Variants in MLLT1 observed in about 807,000 individuals in gnomAD.
MLLT1 encodes the protein protein ENL.
MLLT1 carries 11 observed loss-of-function variants against 55.1 expected under a neutral mutation model. That is an observed-to-expected ratio of 0.20 (90% CI 0.13 to 0.33). The LOEUF (loss-of-function observed/expected upper bound fraction) is 0.33, where lower values mean the gene tolerates loss of function less well. Among genes scored for constraint, MLLT1 ranks in the 10% least tolerant of loss-of-function variants. The probability of loss-of-function intolerance (pLI) is 1.00; values close to 1 mark genes in which losing one functional copy is unlikely to be tolerated. For missense variants in MLLT1, 536 were observed against 760.6 expected (o/e 0.70, Z 3.47); for synonymous variants, 323 against 320.1 (o/e 1.01, Z -0.10).
At chr19:6,242,116 C>T (rs1391560106) in intron 3 of MLLT1, among the ~76,000 whole-genome samples, 2 of 152,210 alleles carry the variant, frequency 1.3e-5, no homozygotes, top group Non-Finnish European at 2.9e-5. Context: ...TGCCTCCCAG[C>T]CTCCCTGCCT....
In MLLT1 at chr19:6,230,852, C is replaced by T; in HGVS notation, c.277-139G>A. On this transcript the variant is annotated intron_variant, in intron 3 of 11. Coordinates refer to ENST00000252674, the MANE Select transcript of MLLT1 (RefSeq NM_005934.4). The surrounding 1 kb of genome is among the most constrained non-coding windows in gnomAD (Gnocchi z 9.0). ...CTCCGATTTGCGCCCACTTCTCTCT[C>T]AGGGCACCTCCTGCCCTGCCCTTAT... 9.3e-7 allele frequency: 1 copy of T among 1,080,932 alleles called. No individual in the cohort carries two copies. Among genetic ancestry groups the T allele is most frequent in the Non-Finnish European group, 1.3e-6 (1 of 746,642 alleles). 67.0% of individuals were successfully genotyped at this position (1,080,932 alleles called of 1,614,324 possible).
intron 3 of MLLT1, among the ~76,000 whole-genome samples, chr19:6,242,049 T>C (rs1179221170): frequency 6.6e-6 from 1 of 152,222 alleles, no homozygotes; most frequent in Non-Finnish European, 1.5e-5. Flanking sequence ...GCTCCGCTTC[T>C]GCGCCAGCAG....
rs2090777501 is a variant in MLLT1, at chr19:6,211,984, C to G, written c.*1058G>C. On this transcript the variant is annotated 3_prime_UTR_variant, in exon 12 of 12. Coordinates refer to ENST00000252674, the MANE Select transcript of MLLT1 (RefSeq NM_005934.4). This position sits in a 1 kb window ranked among gnomAD's most constrained non-coding sequence, Gnocchi z 4.6. ...CACCGGGCCTGCTGATGGCCGAGCC[C>G]ACGCTCGAGGGGCTGACCAGAGTTC... 1 of 1,065,700 alleles carries G rather than the reference C, an allele frequency of 9.4e-7. No individual in the cohort carries two copies. Among genetic ancestry groups the G allele is most frequent in the Admixed American group, 5.3e-5 (1 of 18,764 alleles). The allele number at this position is 1,065,700 out of a possible 1,614,324, so 66.0% of individuals were successfully genotyped here. A position where few individuals can be genotyped will look rare whatever the true frequency, so the allele number is the denominator to read the frequency against.
At position 6,213,036 on chromosome 19, in the gene MLLT1, CCA is replaced by C; in HGVS notation, c.*4_*5del. ...CGGCGGTGGGGGCCCGGCACGCGGC[CCA>C]GGGTCATGTGGCCACGGCCTCCAGG... On this transcript the variant is annotated 3_prime_UTR_variant, in exon 12 of 12. Coordinates refer to ENST00000252674, the MANE Select transcript of MLLT1 (RefSeq NM_005934.4). 1 of 1,613,300 alleles carries C rather than the reference CCA, an allele frequency of 6.2e-7. No individual in the cohort carries two copies. Among genetic ancestry groups the C allele is most frequent in the Non-Finnish European group, 8.5e-7 (1 of 1,179,556 alleles).
At chr19:6,216,379 C>T (rs766241198) in intron 8 of MLLT1, 26 bp downstream of exon 8, 1 of 1,553,980 alleles carries the variant, frequency 6.4e-7, no homozygotes, top group South Asian at 1.2e-5. Context: ...GCCGCCTCCG[C>T]CCCCTGGCTC....
chr19:6,218,108 A>C, intron 6 of MLLT1, 67 bp from the exon 7 acceptor site: 2 of 1,530,002 alleles, frequency 1.3e-6, no homozygotes, highest in Non-Finnish European at 1.8e-6. Context: ...AGCAGAGACA[A>C]AGGGGGCCCC....
At chr19:6,215,736 C>T (rs961471642) in intron 8 of MLLT1, among the ~76,000 whole-genome samples, 11 of 152,184 alleles carry the variant, frequency 7.2e-5, no homozygotes, top group Admixed American at 6.5e-4. Flanking sequence ...GGGCTGACTG[C>T]CGGCTCTGCT....
rs2090795279 is a variant in MLLT1 at position 6,212,952 on chromosome 19, C to CGGGCAGGCGAGACGGGAGAGGA, written c.*68_*89dup. 13 of 1,506,376 alleles carry CGGGCAGGCGAGACGGGAGAGGA rather than the reference C, an allele frequency of 8.6e-6. No individual in the cohort carries two copies. Among genetic ancestry groups the CGGGCAGGCGAGACGGGAGAGGA allele is most frequent in the Non-Finnish European group, 1.2e-5 (13 of 1,107,876 alleles). 93.3% of individuals were successfully genotyped at this position (1,506,376 alleles called of 1,614,324 possible). A position where few individuals can be genotyped will look rare whatever the true frequency, so the allele number is the denominator to read the frequency against. On this transcript the variant is annotated 3_prime_UTR_variant, in exon 12 of 12. Coordinates refer to ENST00000252674, the MANE Select transcript of MLLT1 (RefSeq NM_005934.4). ...CAGGGCTGTCGCTAAGGCAGTGCTG[C>CGGGCAGGCGAGACGGGAGAGGA]GGGCAGGCGAGACGGGAGAGGAGGG...
chr19:6,236,609 T>C (rs2091063481), intron 3 of MLLT1, among the ~76,000 whole-genome samples: 2 of 152,094 alleles, frequency 1.3e-5, no homozygotes, highest in Admixed American at 1.3e-4. Flanking sequence ...GGGATTGAGA[T>C]TGGCTGCTGG....
intron 6 of MLLT1, 63 bp from the exon 7 acceptor site, chr19:6,218,104 G>A (rs891574416): frequency 6.5e-7 from 1 of 1,532,934 alleles, no homozygotes; most frequent in Non-Finnish European, 8.8e-7. Context: ...TTTCAGCAGA[G>A]ACAAAGGGGG....
intron 1 of MLLT1, among the ~76,000 whole-genome samples, chr19:6,272,331 C>T (rs1273905101): frequency 1.3e-5 from 2 of 152,168 alleles, no homozygotes; most frequent in Non-Finnish European, 2.9e-5. Context: ...TGAGGAAATG[C>T]AGGAAACGCG....
In MLLT1 at chr19:6,271,454, G is replaced by T. The variant is rs2233182; in HGVS notation, c.13-695C>A. ...GCCAGCCTGCGGCCCCCTGGTGACC[G>T]GTCCCAGGTGGACCCGTGGCCTGGG... On this transcript the variant is annotated intron_variant, in intron 1 of 11. Transcript: ENST00000252674. Among the ~76,000 whole-genome samples, 1,748 of 152,168 alleles carry T rather than the reference G, an allele frequency of 0.011. 68 individuals carry two copies. The East Asian group carries it at 0.13, about 11-fold the overall frequency.
intron 3 of MLLT1, chr19:6,259,716 A>C (rs929628444): frequency 6.6e-6 from 1 of 150,718 alleles, no homozygotes; most frequent in African/African-American, 2.5e-5. Flanking sequence ...GATTCTCAGC[A>C]CAGGCTCATG....
At chr19:6,225,884 C>T (rs2090952186) in intron 5 of MLLT1, among the ~76,000 whole-genome samples, 1 of 152,168 alleles carries the variant, frequency 6.6e-6, no homozygotes, top group African/African-American at 2.4e-5. Flanking sequence ...GGGACACTGC[C>T]AAGATCCCCA....
rs753690040 is a variant in MLLT1 at position 6,222,389 on chromosome 19, CGGGGTGGGGGTGGGGGTG to C, written c.824_841del (p.Pro275_Pro280del). Reference sequence around the variant, plus strand: ...GGTGGCCGGCCGCTTGCTGGAAGCCCGGGGTGGGGGTGGGGGTGGGGGTGGGGGCCCACCCTTGGGGGA... The same window carrying C: ...GGTGGCCGGCCGCTTGCTGGAAGCCCGGGGTGGGGGCCCACCCTTGGGGGA... On this transcript the variant is annotated inframe_deletion, in exon 6 of 12. Transcript: ENST00000252674. The surrounding 1 kb of genome is among the most constrained non-coding windows in gnomAD (Gnocchi z 4.1). The C allele has an allele frequency of 3.6e-5, 16 of 439,350 alleles. No individual in the cohort carries two copies. Among genetic ancestry groups the C allele is most frequent in the African/African-American group, 8.6e-5 (1 of 11,626 alleles). 27.2% of individuals were successfully genotyped at this position (439,350 alleles called of 1,614,324 possible).
At chr19:6,213,672 T>TCCCCCCCCCCC in intron 10 of MLLT1, 54 bp downstream of exon 10, 3 of 1,075,326 alleles carry the variant, frequency 2.8e-6, no homozygotes, top group South Asian at 1.3e-5. Context: ...TGGCTGCAAC[T>TCCCCCCCCCCC]CCCACCACCC....
chr19:6,213,541 C>T, intron 10 of MLLT1, 133 bp from the exon 11 acceptor site: 1 of 1,020,842 alleles, frequency 9.8e-7, no homozygotes, highest in South Asian at 1.4e-5. Flanking sequence ...AAGGAAGGCC[C>T]AAGGCTGCAG....
chr19:6,253,001 C>G (rs559252706), intron 3 of MLLT1, among the ~76,000 whole-genome samples: 1 of 151,898 alleles, frequency 6.6e-6, no homozygotes, highest in Non-Finnish European at 1.5e-5. Flanking sequence ...TGGTGGCTCA[C>G]GACTGTAATC....
chr19:6,230,655 G>A lies in MLLT1; in HGVS notation c.335C>T (p.Pro112Leu). ...YDLFLNLEGN[P>L]PVNHLRCEKL... ...CTCGCAGCGCAGGTGGTTCACGGGCGGGTTGCCTTCCAGGTTCAGGAACAG... is the reference window on the plus strand; with the variant it reads ...CTCGCAGCGCAGGTGGTTCACGGGCAGGTTGCCTTCCAGGTTCAGGAACAG... Residue 112 changes from proline (P) to leucine (L), a missense_variant, in exon 4 of 12, where the codon CCG becomes CTG. Physicochemically the swap from Pro to Leu is moderately conservative, Grantham distance 98 (BLOSUM62 -3). This residue lies in a region of MLLT1 where 62 missense variants were observed against 195.8 expected (regional missense o/e 0.32). Transcript: ENST00000252674. This position sits in a 1 kb window ranked among gnomAD's most constrained non-coding sequence, Gnocchi z 9.0. 6.2e-7 allele frequency: 1 copy of A among 1,614,096 alleles called. No homozygotes were observed. The highest frequency in any genetic ancestry group is 1.1e-5 in the South Asian group (1 of 91,084).
Sources: gnomAD v4.1 joint callset for allele counts (sites outside exome capture counted in the v4.1 genomes callset) on GRCh38, gnomAD v4.1.1 for gene constraint, gnomAD v4.1.1 regional missense constraint, Gnocchi (gnomAD v3.1) non-coding constraint, MANE v1.5 for transcripts, NCBI Gene and HGNC (gene_info 2026-07-23, HGNC 2026-07-21) for gene names.